HMOX2: variants seen among roughly 807,000 people sequenced by gnomAD.
HMOX2 encodes heme oxygenase 2, also known as heme oxygenase (decycling) 2.
HMOX2 carries 30 observed loss-of-function variants against 33.7 expected under a neutral mutation model. The ratio of observed to expected loss-of-function variants is 0.89; its 90% CI spans 0.67 to 1.21. HMOX2 has a LOEUF of 1.21. Ranked by LOEUF, HMOX2 falls within the 50% of genes most tolerant of loss-of-function variation. The pLI, the probability that HMOX2 is intolerant of heterozygous loss-of-function variation, is 0.00. For missense variants in HMOX2, 403 were observed against 399.1 expected, an observed-to-expected ratio of 1.01 and a Z score of -0.08; for synonymous variants, 155 against 155.0, an observed-to-expected ratio of 1.00 and a Z score of 0.00.
chr16:4,479,575 T>G (rs751270267), intron 1 of HMOX2: 1 of 152,008 alleles, frequency 6.6e-6, no homozygotes, highest in Non-Finnish European at 1.5e-5. Flanking sequence ...AGGGAAAAAA[T>G]TAATTTTTGT....
At position 4,508,120 on chromosome 16, in the gene HMOX2, C is replaced by A; in HGVS notation, c.612C>A (p.Ala204=). The change falls in exon 4 of 6, where the codon GCC becomes GCA. Residue 204 remains alanine, a synonymous_variant. Coordinates refer to ENST00000570646, the MANE Select transcript of HMOX2 (RefSeq NM_002134.4). ...NAQQFKQLYR[A]RMNALDLNMK... is the part of the protein sequence containing the mutation. ...AGCAGTTCAAGCAGCTCTACCGGGC[C>A]AGGATGAACGCCCTGGACCTGAACA... 6.2e-7 allele frequency: 1 copy of A among 1,614,130 alleles called. No homozygotes were observed. The highest frequency in any genetic ancestry group is 8.5e-7 in the Non-Finnish European group (1 of 1,180,020).
chr16:4,491,186 C>T (rs12448777), intron 1 of HMOX2, among the ~76,000 whole-genome samples: 1 of 152,078 alleles, frequency 6.6e-6, no homozygotes, highest in Non-Finnish European at 1.5e-5. Context: ...TTTCAGTTAC[C>T]TAATTAAACC....
At chr16:4,484,717 T>C (rs1047069566) in intron 1 of HMOX2, among the ~76,000 whole-genome samples, 1 of 152,112 alleles carries the variant, frequency 6.6e-6, no homozygotes, top group African/African-American at 2.4e-5. Context: ...TGCCGCGGGC[T>C]CCCAAAGTGC....
chr16:4,491,741 C>T (rs760547408), intron 1 of HMOX2, among the ~76,000 whole-genome samples: 1 of 152,026 alleles, frequency 6.6e-6, no homozygotes, highest in African/African-American at 2.4e-5. Flanking sequence ...TGGAATCTCA[C>T]TCTGTCACTC....
intron 1 of HMOX2, chr16:4,479,316 T>A (rs1252358994): frequency 3.9e-5 from 6 of 152,328 alleles, no homozygotes; most frequent in Admixed American, 2.0e-4. Context: ...CAAACGCTTC[T>A]TTTTTGGTAA....
chr16:4,495,991 A>G (rs1028337350), intron 1 of HMOX2: 4 of 152,252 alleles, frequency 2.6e-5, no homozygotes, highest in Non-Finnish European at 4.4e-5. Context: ...CCAGGGAACA[A>G]TCTTCTCAGG....
At position 4,510,021 on chromosome 16, in the gene HMOX2, C is replaced by T. The variant is rs1308202570; in HGVS notation, c.*265C>T. 2 of 516,484 alleles carry T rather than the reference C, an allele frequency of 3.9e-6. No homozygotes were observed. The highest frequency in any genetic ancestry group is 3.8e-5 in the African/African-American group (2 of 52,712). 32.0% of individuals were successfully genotyped at this position (516,484 alleles called of 1,614,324 possible). A position where few individuals can be genotyped will look rare whatever the true frequency, so the allele number is the denominator to read the frequency against. ...GCCCCCGACCCAGCTCTACTCCAGGCTTCCACACTTCTGGGCCCTAGGCTG... is the reference window on the plus strand; with the variant it reads ...GCCCCCGACCCAGCTCTACTCCAGGTTTCCACACTTCTGGGCCCTAGGCTG... On this transcript the variant is annotated 3_prime_UTR_variant, in exon 6 of 6. Transcript: ENST00000570646.
At chr16:4,485,363 T>C (rs17884246) in intron 1 of HMOX2, among the ~76,000 whole-genome samples, 15 of 152,180 alleles carry the variant, frequency 9.9e-5, no homozygotes, top group Non-Finnish European at 1.3e-4. Context: ...TTCTAAGGTA[T>C]GCAGAGTATT....
intron 1 of HMOX2, among the ~76,000 whole-genome samples, chr16:4,489,295 T>TA (rs1392965007): frequency 6.6e-6 from 1 of 152,092 alleles, no homozygotes; most frequent in African/African-American, 2.4e-5. Flanking sequence ...ACCAAGTGTT[T>TA]AGTCACTAGG....
At chr16:4,504,396 T>C (rs1194234423) in intron 1 of HMOX2, among the ~76,000 whole-genome samples, 1 of 148,310 alleles carries the variant, frequency 6.7e-6, no homozygotes, top group Admixed American at 6.7e-5. Context: ...GTTTCACTCT[T>C]ATTGCCCAGG....
intron 1 of HMOX2, among the ~76,000 whole-genome samples, chr16:4,489,304 G>A (rs993465113): frequency 6.6e-5 from 10 of 152,054 alleles, no homozygotes; most frequent in Non-Finnish European, 8.8e-5. Flanking sequence ...TTAGTCACTA[G>A]GCAGCCATCA....
At chr16:4,478,241 C>T (rs1344138493) in intron 1 of HMOX2, among the ~76,000 whole-genome samples, 2 of 152,164 alleles carry the variant, frequency 1.3e-5, no homozygotes, top group African/African-American at 4.8e-5. Flanking sequence ...TCTAGAAATG[C>T]CAGTGCCAGT....
chr16:4,482,890 T>C (rs1237449457), intron 1 of HMOX2, among the ~76,000 whole-genome samples: 1 of 151,816 alleles, frequency 6.6e-6, no homozygotes, highest in African/African-American at 2.4e-5. Flanking sequence ...ATTAGCCGGG[T>C]GTGGTCGTGC....
chr16:4,476,944 G>A (rs2057867324), intron 1 of HMOX2, among the ~76,000 whole-genome samples: 1 of 152,166 alleles, frequency 6.6e-6, no homozygotes, highest in Non-Finnish European at 1.5e-5. Flanking sequence ...GGCATTGACC[G>A]GGGCTCTGCC....
chr16:4,483,424 A>C (rs982008696), intron 1 of HMOX2, among the ~76,000 whole-genome samples: 1 of 151,836 alleles, frequency 6.6e-6, no homozygotes, highest in East Asian at 1.9e-4. Flanking sequence ...ACAACAAAAG[A>C]TGCTCCTATT....
At chr16:4,501,081 T>C (rs899607890) in intron 1 of HMOX2, among the ~76,000 whole-genome samples, 3 of 152,154 alleles carry the variant, frequency 2.0e-5, no homozygotes, top group Non-Finnish European at 2.9e-5. Flanking sequence ...GTTAATGCAG[T>C]GCGGGATCTT....
chr16:4,495,880 G>A (rs1319704256), intron 1 of HMOX2: 1 of 152,234 alleles, frequency 6.6e-6, no homozygotes, highest in Non-Finnish European at 1.5e-5. Context: ...GGTCTGGCAG[G>A]TCTGATTGCC....
At chr16:4,482,518 C>A (rs1435180829) in intron 1 of HMOX2, among the ~76,000 whole-genome samples, 1 of 152,318 alleles carries the variant, frequency 6.6e-6, no homozygotes, top group Admixed American at 6.5e-5. Context: ...GAGATAGCGT[C>A]AGATCCCACC....
intron 1 of HMOX2, among the ~76,000 whole-genome samples, chr16:4,497,221 C>G (rs2058443485): frequency 6.6e-6 from 1 of 152,192 alleles, no homozygotes; most frequent in Non-Finnish European, 1.5e-5. Flanking sequence ...ATGACTGACT[C>G]CACTTATCCA....
Sources: allele counts gnomAD v4.1 joint callset (sites outside exome capture counted in the v4.1 genomes callset), GRCh38; gene constraint gnomAD v4.1.1; transcripts MANE v1.5; gene names NCBI Gene and HGNC (gene_info 2026-07-23, HGNC 2026-07-21).